RELCH: variants seen among roughly 807,000 people sequenced by gnomAD.
The protein encoded by RELCH is RAB11-binding protein RELCH.
A neutral mutation model predicts 150.3 loss-of-function variants in RELCH; 41 were observed. That is an observed-to-expected ratio of 0.27 (90% CI 0.21 to 0.35). The LOEUF is 0.35. Among genes scored for constraint, RELCH ranks in the 10% least tolerant of loss-of-function variants. The pLI, the probability that RELCH is intolerant of heterozygous loss-of-function variation, is 1.00. For synonymous variants in RELCH, 478 were observed against 531.8 expected (o/e 0.90, Z 1.39); for missense variants, 1,092 against 1,467.8 (o/e 0.74, Z 4.18).
chr18:62,287,377 G>T lies in RELCH; in HGVS notation c.3280G>T (p.Ala1094Ser), dbSNP rs2044864574. The change falls in exon 26 of 29, where the codon GCC becomes TCC. Residue 1094 changes from alanine (A) to serine (S), a missense_variant. Transcript: ENST00000644646. ...EFVIPHLHKLALVNNLQIVDS... is the reference protein window; with the variant it reads ...EFVIPHLHKLSLVNNLQIVDS... ...TGTTATACCACATTTGCATAAGTTA[G>T]CCTTGGTGAACAACTTACAGATTGT... The T allele has an allele frequency of 1.2e-6, 2 of 1,604,968 alleles. No individual in the cohort carries two copies. The highest frequency in any genetic ancestry group is 2.7e-5 in the African/African-American group (2 of 74,566).
chr18:62,309,779 A>G lies in RELCH; in HGVS notation c.*4245A>G, dbSNP rs953276725. 4 of 152,174 alleles carry G rather than the reference A, an allele frequency of 2.6e-5. No homozygotes were observed. Among genetic ancestry groups the G allele is most frequent in the African/African-American group, 9.7e-5 (4 of 41,440 alleles). 9.4% of individuals were successfully genotyped at this position (152,174 alleles called of 1,614,324 possible). ...CAGACTAATCCACCATATTTATTTC[A>G]GTTAGATCATTGCATGAATAGATTT... On this transcript the variant is annotated 3_prime_UTR_variant, in exon 29 of 29. Coordinates refer to ENST00000644646, the MANE Select transcript of RELCH (RefSeq NM_001346231.2).
chr18:62,280,115 G>C (rs2144930889), intron 23 of RELCH, among the ~76,000 whole-genome samples: 1 of 152,254 alleles, frequency 6.6e-6, no homozygotes, highest in Non-Finnish European at 1.5e-5. Context: ...AATACTTCCA[G>C]AACCTAAAAT....
chr18:62,216,357 A>G (rs1048635677), intron 2 of RELCH, among the ~76,000 whole-genome samples: 2 of 151,546 alleles, frequency 1.3e-5, no homozygotes, highest in African/African-American at 4.9e-5. Flanking sequence ...TGATTTTAGA[A>G]CCCCCCTATA....
chr18:62,298,966 T>G, intron 28 of RELCH, 106 bp downstream of exon 28: 1 of 625,514 alleles, frequency 1.6e-6, no homozygotes, highest in Non-Finnish European at 2.8e-6. Flanking sequence ...GTTATAGTCC[T>G]TTGTTTGGAA....
chr18:62,260,154 T>G lies in RELCH; in HGVS notation c.2203-1357T>G, dbSNP rs73462444. Among the ~76,000 whole-genome samples, 314 of 93,694 alleles carry G rather than the reference T, an allele frequency of 3.4e-3. 1 individual carries two copies. Among genetic ancestry groups the G allele is most frequent in the African/African-American group, 0.011 (260 of 23,320 alleles). The allele number at this position is 93,694 out of a possible 152,430, so 61.5% of individuals were successfully genotyped here. Reference sequence around the variant, plus strand: ...GCAAACTCTCCATCCAACAAGGGATTAATAACCAAAATATGTAAGGATTCA... The same window carrying G: ...GCAAACTCTCCATCCAACAAGGGATGAATAACCAAAATATGTAAGGATTCA... On this transcript the variant is annotated intron_variant, in intron 15 of 28. Transcript: ENST00000644646.
intron 10 of RELCH, among the ~76,000 whole-genome samples, chr18:62,234,397 A>T (rs1264848984): frequency 4.6e-5 from 7 of 151,502 alleles, no homozygotes; most frequent in Admixed American, 1.3e-4. Flanking sequence ...GGCTCGCTAC[A>T]GCCTCAAACT....
rs374306563 is a variant in RELCH, at chr18:62,196,220, T to TTTTACTTTTC, written c.526+8192_526+8193insACTTTTCTTT. Among the ~76,000 whole-genome samples the TTTTACTTTTC allele has an allele frequency of 2.1e-3, 312 of 151,188 alleles. 4 individuals carry two copies. Among genetic ancestry groups the TTTTACTTTTC allele is most frequent in the African/African-American group, 7.3e-3 (302 of 41,204 alleles). ...TCTGAGAGAGAAAATACCAGCGCAA[T>TTTTACTTTTC]TTTTCTTTTCTTTTCTTTTCTTTTT... On this transcript the variant is annotated intron_variant, in intron 1 of 28. Coordinates refer to ENST00000644646, the MANE Select transcript of RELCH (RefSeq NM_001346231.2).
intron 11 of RELCH, 75 bp downstream of exon 11, chr18:62,244,951 G>A (rs2042327118): frequency 2.1e-6 from 2 of 970,434 alleles, no homozygotes; most frequent in South Asian, 2.7e-5. Flanking sequence ...ATCAGGATTA[G>A]CATTTGAATC....
intron 10 of RELCH, among the ~76,000 whole-genome samples, chr18:62,233,980 T>C (rs991363858): frequency 1.3e-5 from 2 of 151,926 alleles, no homozygotes; most frequent in Admixed American, 6.6e-5. Flanking sequence ...TTCTGGCTGA[T>C]TTTAAATTTT....
chr18:62,267,821 G>T (rs954828819), intron 19 of RELCH, among the ~76,000 whole-genome samples: 1 of 151,768 alleles, frequency 6.6e-6, no homozygotes, highest in African/African-American at 2.4e-5. Context: ...ACAGCTTTTG[G>T]AATTATTAGT....
At chr18:62,271,803 C>T (rs1381861681) in intron 20 of RELCH, among the ~76,000 whole-genome samples, 1 of 152,074 alleles carries the variant, frequency 6.6e-6, no homozygotes, top group African/African-American at 2.4e-5. Context: ...ACTTTCTACA[C>T]ATGGCTAGCC....
chr18:62,201,708 T>C (rs919847650), intron 1 of RELCH, among the ~76,000 whole-genome samples: 2 of 152,210 alleles, frequency 1.3e-5, no homozygotes, highest in African/African-American at 2.4e-5. Flanking sequence ...TGTAAGCATA[T>C]ATAAACATGA....
chr18:62,297,382 C>T (rs2045462122), intron 27 of RELCH, among the ~76,000 whole-genome samples: 1 of 151,848 alleles, frequency 6.6e-6, no homozygotes, highest in Non-Finnish European at 1.5e-5. Flanking sequence ...CCAAGATTAC[C>T]AGTCATTTAG....
intron 11 of RELCH, chr18:62,246,062 G>A (rs1220845559): frequency 2.0e-5 from 3 of 152,108 alleles, no homozygotes; most frequent in African/African-American, 7.2e-5. Flanking sequence ...CAGTAAGGCA[G>A]ATTTTTTTAA....
chr18:62,246,742 T>C (rs1287148515), intron 11 of RELCH: 1 of 152,226 alleles, frequency 6.6e-6, no homozygotes, highest in African/African-American at 2.4e-5. Context: ...CAGTCAGTTA[T>C]TTCTGTCCTC....
chr18:62,298,096 C>CCCT (rs2045502393), intron 27 of RELCH, among the ~76,000 whole-genome samples: 2 of 150,870 alleles, frequency 1.3e-5, no homozygotes, highest in African/African-American at 4.9e-5. Context: ...TGCTTTATCC[C>CCCT]CCCCCGTCTA....
intron 11 of RELCH, among the ~76,000 whole-genome samples, chr18:62,245,341 C>T (rs937889143): frequency 2.0e-5 from 3 of 152,104 alleles, no homozygotes; most frequent in East Asian, 1.9e-4. Flanking sequence ...TGTTCAGTTT[C>T]GGCCAGGCGC....
chr18:62,228,456 A>G lies in RELCH; in HGVS notation c.1306A>G (p.Ile436Val). 6.2e-7 allele frequency: 1 copy of G among 1,613,414 alleles called. No homozygotes were observed. Among genetic ancestry groups the G allele is most frequent in the South Asian group, 1.1e-5 (1 of 91,066 alleles). Residue 436 changes from isoleucine to valine, a missense_variant, in exon 8 of 29, where the codon ATC becomes GTC. Around this residue, in one of 4 missense-constraint regions of RELCH, gnomAD observed 707 missense variants for 1,025.4 expected, o/e 0.69. Transcript: ENST00000644646. ...TTCAGACAAGGGAAAAAACACAGAC[A>G]TCCATCTTTCAATATCAGATGAAGC... ...NSSDKGKNTDIHLSISDEADS... is the reference protein window; with the variant it reads ...NSSDKGKNTDVHLSISDEADS...
At chr18:62,247,437 G>A (rs2042473204) in intron 11 of RELCH, 1 of 151,556 alleles carries the variant, frequency 6.6e-6, no homozygotes, top group Non-Finnish European at 1.5e-5. Context: ...AGGAGAGCTA[G>A]CAGAATGAAA....
Sources: allele counts gnomAD v4.1 joint callset (sites outside exome capture counted in the v4.1 genomes callset), GRCh38; gene constraint gnomAD v4.1.1; regional missense constraint gnomAD v4.1.1; transcripts MANE v1.5; gene names NCBI Gene and HGNC (gene_info 2026-07-23, HGNC 2026-07-21).